TAFA1: variants seen among roughly 807,000 people sequenced by gnomAD.
TAFA1 encodes the protein chemokine-like protein TAFA-1.
Under a neutral mutation model 18.5 loss-of-function variants are expected in TAFA1, and 4 were observed. The ratio of observed to expected loss-of-function variants is 0.22; its 90% CI spans 0.11 to 0.49. TAFA1 has a LOEUF of 0.49. Among genes scored for constraint, TAFA1 ranks in the 20% least tolerant of loss-of-function variants. The pLI, the probability that TAFA1 is intolerant of heterozygous loss-of-function variation, is 0.98. For missense variants in TAFA1, 147 were observed against 169.0 expected (o/e 0.87, Z 0.72); for synonymous variants, 56 against 55.2 (o/e 1.01, Z -0.06).
intron 3 of TAFA1, among the ~76,000 whole-genome samples, chr3:68,499,889 A>G (rs2106703367): frequency 1.3e-5 from 2 of 148,932 alleles, no homozygotes; most frequent in African/African-American, 4.9e-5. Context: ...AAGAAGCAGG[A>G]AGGAATTGTA....
intron 2 of TAFA1, among the ~76,000 whole-genome samples, chr3:68,235,450 A>T (rs1040457672): frequency 6.6e-6 from 1 of 152,176 alleles, no homozygotes; most frequent in East Asian, 1.9e-4. Context: ...AATAACATGG[A>T]ATGATTCTAA....
At chr3:68,490,480 C>G (rs2072430683) in intron 3 of TAFA1, among the ~76,000 whole-genome samples, 1 of 152,080 alleles carries the variant, frequency 6.6e-6, no homozygotes, top group African/African-American at 2.4e-5. Context: ...TCCCCATTTT[C>G]CAGCTGCATA....
At chr3:68,443,065 A>C (rs1360621761) in intron 3 of TAFA1, among the ~76,000 whole-genome samples, 2 of 152,244 alleles carry the variant, frequency 1.3e-5, no homozygotes, top group Non-Finnish European at 2.9e-5. Context: ...AGGCATCCAC[A>C]TCAAGTGGCA....
intron 2 of TAFA1, among the ~76,000 whole-genome samples, chr3:68,183,949 C>G (rs1320160204): frequency 6.6e-6 from 1 of 152,164 alleles, no homozygotes; most frequent in Non-Finnish European, 1.5e-5. Flanking sequence ...CCTTGGTCTT[C>G]TGTAATGCAA....
chr3:68,080,976 A>C (rs1419460907), intron 2 of TAFA1, among the ~76,000 whole-genome samples: 1 of 151,850 alleles, frequency 6.6e-6, no homozygotes, highest in Non-Finnish European at 1.5e-5. Context: ...TGGTCTTTTC[A>C]CATAGTCCCA....
At chr3:68,262,078 T>C (rs771921326) in intron 2 of TAFA1, among the ~76,000 whole-genome samples, 10 of 151,446 alleles carry the variant, frequency 6.6e-5, no homozygotes, top group African/African-American at 1.2e-4. Flanking sequence ...GTTGAGCAAG[T>C]TGGAGAAACG....
chr3:68,537,156 A>G (rs893080707), intron 3 of TAFA1, among the ~76,000 whole-genome samples: 12 of 152,298 alleles, frequency 7.9e-5, no homozygotes, highest in African/African-American at 2.9e-4. Flanking sequence ...TGTGCTCTAC[A>G]AAAGCTAAGA....
intron 2 of TAFA1, among the ~76,000 whole-genome samples, chr3:68,307,640 A>G (rs2068444110): frequency 6.6e-6 from 1 of 152,102 alleles, no homozygotes; most frequent in African/African-American, 2.4e-5. Flanking sequence ...TATCTCTACT[A>G]TGTGATTGTT....
intron 2 of TAFA1, among the ~76,000 whole-genome samples, chr3:68,262,331 A>G (rs1279794207): frequency 1.2e-5 from 1 of 83,280 alleles, no homozygotes; most frequent in Non-Finnish European, 2.3e-5. Context: ...ATATATATAT[A>G]TATATATATA....
At chr3:68,330,330 C>T (rs886240165) in intron 2 of TAFA1, among the ~76,000 whole-genome samples, 1 of 152,148 alleles carries the variant, frequency 6.6e-6, no homozygotes, top group Non-Finnish European at 1.5e-5. Flanking sequence ...CCAAGCTGAT[C>T]CAGGTGCTTA....
intron 2 of TAFA1, among the ~76,000 whole-genome samples, chr3:68,323,444 T>C (rs562715263): frequency 6.6e-6 from 1 of 152,162 alleles, no homozygotes; most frequent in South Asian, 2.1e-4. Context: ...AAATAAAACA[T>C]TGAGTTTTTC....
intron 2 of TAFA1, among the ~76,000 whole-genome samples, chr3:68,030,604 T>G (rs1704912696): frequency 6.6e-6 from 1 of 152,216 alleles, no homozygotes; most frequent in Admixed American, 6.5e-5. Flanking sequence ...TCATCTATTT[T>G]TATGGCTGCA....
At position 68,349,159 on chromosome 3, in the gene TAFA1, C is replaced by T. The variant is rs921888956; in HGVS notation, c.119-68121C>T. 4.0e-5 allele frequency among the ~76,000 whole-genome samples: 6 copies of T among 151,838 alleles called. No individual in the cohort carries two copies. In the East Asian group the frequency reaches 9.8e-4, roughly 25 times the overall value. On this transcript the variant is annotated intron_variant, in intron 2 of 4. Coordinates refer to ENST00000478136, the MANE Select transcript of TAFA1 (RefSeq NM_213609.4). ...ATCATAAAATTTGAGATCAATTCTCCTACCAGCTCTGTTATCTTGACTATC... is the reference window on the plus strand; with the variant it reads ...ATCATAAAATTTGAGATCAATTCTCTTACCAGCTCTGTTATCTTGACTATC...
chr3:68,531,497 A>G (rs1054778424), intron 3 of TAFA1, among the ~76,000 whole-genome samples: 1 of 152,016 alleles, frequency 6.6e-6, no homozygotes, highest in African/African-American at 2.4e-5. Context: ...TTCTTCCTTT[A>G]GCGGGGCTGT....
At chr3:68,039,372 A>T (rs1478929448) in intron 2 of TAFA1, among the ~76,000 whole-genome samples, 1 of 152,166 alleles carries the variant, frequency 6.6e-6, no homozygotes, top group Non-Finnish European at 1.5e-5. Flanking sequence ...TGGATAAGGG[A>T]CAAGTACTCT....
chr3:68,044,028 C>A (rs561153699), intron 2 of TAFA1, among the ~76,000 whole-genome samples: 1 of 152,276 alleles, frequency 6.6e-6, no homozygotes, highest in Admixed American at 6.5e-5. Flanking sequence ...AGGAAAATCA[C>A]AGTCCTCAAT....
intron 2 of TAFA1, among the ~76,000 whole-genome samples, chr3:68,348,398 T>G (rs1014868895): frequency 4.6e-5 from 7 of 152,134 alleles, no homozygotes; most frequent in Non-Finnish European, 7.4e-5. Flanking sequence ...ACATACAATG[T>G]CTAACCTTTT....
At chr3:68,452,826 G>A (rs920448536) in intron 3 of TAFA1, among the ~76,000 whole-genome samples, 5 of 152,164 alleles carry the variant, frequency 3.3e-5, no homozygotes, top group African/African-American at 4.8e-5. Flanking sequence ...TGTCTGGCAA[G>A]CTTTGGGCAA....
chr3:68,039,778 A>G (rs945592848), intron 2 of TAFA1, among the ~76,000 whole-genome samples: 16 of 152,202 alleles, frequency 1.1e-4, no homozygotes, highest in Non-Finnish European at 2.1e-4. Context: ...TGTTGCTTCC[A>G]TAAGTGAGTT....
Sources: allele counts gnomAD v4.1 joint callset (sites outside exome capture counted in the v4.1 genomes callset), GRCh38; gene constraint gnomAD v4.1.1; transcripts MANE v1.5; gene names NCBI Gene and HGNC (gene_info 2026-07-23, HGNC 2026-07-21).